Variants in MTSS1 observed in about 807,000 individuals in gnomAD.
MTSS1 encodes the protein protein MTSS 1.
A neutral mutation model predicts 79.0 loss-of-function variants in MTSS1; 18 were observed. That is an observed-to-expected ratio of 0.23 (90% CI 0.16 to 0.34). The LOEUF is 0.34. Ranked by LOEUF, MTSS1 falls within the 10% of genes least tolerant of loss-of-function variation. The probability of loss-of-function intolerance (pLI) is 1.00; values close to 1 mark genes in which losing one functional copy is unlikely to be tolerated. For synonymous variants in MTSS1, 341 were observed against 368.6 expected (o/e 0.93, Z 0.86); for missense variants, 815 against 986.2 (o/e 0.83, Z 2.33).
intron 3 of MTSS1, among the ~76,000 whole-genome samples, chr8:124,595,416 AG>A (rs1832586276): frequency 6.6e-6 from 1 of 152,170 alleles, no homozygotes; most frequent in Admixed American, 6.6e-5. Context: ...TGGAGGCTGC[AG>A]GGGAGAATCT....
At chr8:124,567,621 T>C in intron 7 of MTSS1, 1 of 1,393,706 alleles carries the variant, frequency 7.2e-7, no homozygotes, top group Non-Finnish European at 9.3e-7. Context: ...AGCTAACTTT[T>C]CCCCTTCTTT....
At chr8:124,640,851 C>T (rs113130382) in intron 3 of MTSS1, among the ~76,000 whole-genome samples, 4,255 of 152,134 alleles carry the variant, frequency 0.028, 170 homozygotes, top group African/African-American at 0.097. Flanking sequence ...CTCAACCCTT[C>T]TAGATTTTAC....
intron 3 of MTSS1, among the ~76,000 whole-genome samples, chr8:124,681,533 A>T (rs542138577): frequency 6.6e-6 from 1 of 152,338 alleles, no homozygotes; most frequent in South Asian, 2.1e-4. Flanking sequence ...CATGCCTGTA[A>T]TCCCAGCACT....
chr8:124,690,454 G>A (rs1476800716), intron 3 of MTSS1, among the ~76,000 whole-genome samples: 1 of 152,212 alleles, frequency 6.6e-6, no homozygotes, highest in African/African-American at 2.4e-5. Context: ...TCCAGGATAT[G>A]TTTTGGTAAA....
intron 3 of MTSS1, among the ~76,000 whole-genome samples, chr8:124,622,793 C>CAAAA (rs11403789): frequency 2.5e-5 from 3 of 120,586 alleles, no homozygotes; most frequent in Non-Finnish European, 3.7e-5. Context: ...GAGTCCATCT[C>CAAAA]AAAAAAAAAA....
At position 124,674,596 on chromosome 8, in the gene MTSS1, G is replaced by A. The variant is rs553455089; in HGVS notation, c.208+24930C>T. On this transcript the variant is annotated intron_variant, in intron 3 of 13. Transcript: ENST00000518547. ...CTGGCCGCAGGGATCCGCCCCCCTC[G>A]GCCTCCCAAAGTGCTGGAATTATAG... Among the ~76,000 whole-genome samples, 405 of 151,940 alleles carry A rather than the reference G, an allele frequency of 2.7e-3. 1 individual carries two copies. The highest frequency in any genetic ancestry group is 4.4e-3 in the Non-Finnish European group (300 of 67,936).
Position 124,664,135 on chromosome 8 carries a change from C to A in MTSS1, c.208+35391G>T, listed in dbSNP as rs56341029. Among the ~76,000 whole-genome samples, 184 of 152,352 alleles carry A rather than the reference C, an allele frequency of 1.2e-3. 5 individuals carry two copies. In the East Asian group the frequency reaches 0.031, roughly 26 times the overall value. On this transcript the variant is annotated intron_variant, in intron 3 of 13. Transcript: ENST00000518547. ...CTGGAAGCCAGCAGGCAGAAGCCAG[C>A]GCCTGCAGGGCTACCCCCTCTCCAG...
intron 4 of MTSS1, among the ~76,000 whole-genome samples, chr8:124,590,682 T>C (rs1443166423): frequency 6.6e-6 from 1 of 152,200 alleles, no homozygotes. Context: ...GCTACTACCA[T>C]TTCTTCCCTA....
At position 124,568,408 on chromosome 8, in the gene MTSS1, T is replaced by C. The variant is rs1019024436; in HGVS notation, c.589A>G (p.Thr197Ala). Residue 197 changes from threonine (T) to alanine (A), a missense_variant, in exon 7 of 14, where the codon ACC becomes GCC. Transcript: ENST00000518547. ...ACTGGCCGCAGCATAGAGATGAAGG[T>C]ACAGAATCGGCCACGTTCTTCAATC... is the stretch of plus-strand genomic sequence containing the variant. ...ALIEERGRFCTFISMLRPVIE... is the reference protein window; with the variant it reads ...ALIEERGRFCAFISMLRPVIE... 1.2e-6 allele frequency: 2 copies of C among 1,614,030 alleles called. No homozygotes were observed. Among genetic ancestry groups the C allele is most frequent in the Non-Finnish European group, 1.7e-6 (2 of 1,180,006 alleles).
chr8:124,636,365 A>G lies in MTSS1; in HGVS notation c.209-45130T>C, dbSNP rs532624890. Among the ~76,000 whole-genome samples, 6 of 152,276 alleles carry G rather than the reference A, an allele frequency of 3.9e-5. No individual in the cohort carries two copies. The East Asian group carries it at 1.2e-3, about 29-fold the overall frequency. Reference sequence around the variant, plus strand: ...AGGCTGGCCTCGAACTCCTGACCTCAAGTGATCCGCCTGCCTCGGCCTCCC... The same window carrying G: ...AGGCTGGCCTCGAACTCCTGACCTCGAGTGATCCGCCTGCCTCGGCCTCCC... On this transcript the variant is annotated intron_variant, in intron 3 of 13. Transcript: ENST00000518547.
At chr8:124,580,848 T>G (rs1420313088) in intron 6 of MTSS1, among the ~76,000 whole-genome samples, 2 of 151,938 alleles carry the variant, frequency 1.3e-5, no homozygotes, top group Middle Eastern at 3.2e-3. Flanking sequence ...AAAAGAGAGA[T>G]GAAGAATATA....
At chr8:124,557,108 T>C (rs1228408152) in intron 11 of MTSS1, among the ~76,000 whole-genome samples, 2 of 152,236 alleles carry the variant, frequency 1.3e-5, no homozygotes, top group African/African-American at 4.8e-5. Flanking sequence ...TTTTCAAAGT[T>C]CGTCTTTATA....
chr8:124,681,860 T>A (rs28540963), intron 3 of MTSS1, among the ~76,000 whole-genome samples: 3 of 152,102 alleles, frequency 2.0e-5, no homozygotes, highest in Non-Finnish European at 4.4e-5. Flanking sequence ...GCCCAGAGCA[T>A]AGTGCCTGAC....
chr8:124,696,712 G>A (rs1002524053), intron 3 of MTSS1, among the ~76,000 whole-genome samples: 3 of 152,132 alleles, frequency 2.0e-5, no homozygotes, highest in Non-Finnish European at 4.4e-5. Context: ...TTAGCTGGGC[G>A]TGATGGTGGG....
chr8:124,567,698 T>A, intron 7 of MTSS1: 1 of 1,479,608 alleles, frequency 6.8e-7, no homozygotes, highest in Non-Finnish European at 9.0e-7. Context: ...GGAAGAAACA[T>A]CCCATGTGCT....
intron 11 of MTSS1, among the ~76,000 whole-genome samples, chr8:124,556,876 C>T (rs58330690): frequency 0.024 from 3,617 of 152,332 alleles, 143 homozygotes; most frequent in African/African-American, 0.081. Flanking sequence ...GCATGGCAGG[C>T]TCCCTGCCCT....
chr8:124,570,716 T>G (rs1827584294), intron 6 of MTSS1, among the ~76,000 whole-genome samples: 1 of 152,168 alleles, frequency 6.6e-6, no homozygotes, highest in South Asian at 2.1e-4. Flanking sequence ...ATTTTCTCCT[T>G]TTTGGAGACA....
At chr8:124,649,816 T>C (rs1322034931) in intron 3 of MTSS1, among the ~76,000 whole-genome samples, 1 of 152,114 alleles carries the variant, frequency 6.6e-6, no homozygotes, top group Non-Finnish European at 1.5e-5. Context: ...AATGTTCTTG[T>C]GCTTGGGGAA....
intron 3 of MTSS1, among the ~76,000 whole-genome samples, chr8:124,692,176 C>T (rs886488374): frequency 2.0e-5 from 3 of 151,778 alleles, no homozygotes; most frequent in Non-Finnish European, 4.4e-5. Flanking sequence ...ATTAGAGGCC[C>T]GCCACCAAGC....
Sources: allele counts gnomAD v4.1 joint callset (sites outside exome capture counted in the v4.1 genomes callset), GRCh38; gene constraint gnomAD v4.1.1; transcripts MANE v1.5; gene names NCBI Gene and HGNC (gene_info 2026-07-23, HGNC 2026-07-21).